The following STOX2 variants were observed in gnomAD, a reference collection of about 807,000 sequenced individuals.
The protein encoded by STOX2 is storkhead-box protein 2.
A neutral mutation model predicts 60.9 loss-of-function variants in STOX2; 28 were observed. The observed-to-expected ratio is 0.46, with a 90% CI of 0.34 to 0.63. The LOEUF (loss-of-function observed/expected upper bound fraction) is 0.63, where lower values mean the gene tolerates loss of function less well. Among genes scored for constraint, STOX2 ranks in the 30% least tolerant of loss-of-function variants. The pLI, the probability that STOX2 is intolerant of heterozygous loss-of-function variation, is 0.01. For missense variants in STOX2, 1,024 were observed against 1,187.7 expected (o/e 0.86, Z 2.03); for synonymous variants, 472 against 463.9 (o/e 1.02, Z -0.22).
chr4:183,826,327 C>T (rs1017903889), intron 1 of STOX2, among the ~76,000 whole-genome samples: 10 of 152,154 alleles, frequency 6.6e-5, no homozygotes, highest in Admixed American at 1.3e-4. Flanking sequence ...TGCCCCTCAC[C>T]GTCCTCATCA....
chr4:183,961,857 G>T (rs1399021589), intron 1 of STOX2, among the ~76,000 whole-genome samples: 4 of 152,252 alleles, frequency 2.6e-5, no homozygotes, highest in Non-Finnish European at 2.9e-5. Flanking sequence ...ATCTTGGGTT[G>T]TGACTTTTAC....
chr4:183,998,179 C>T (rs748081436), intron 1 of STOX2, among the ~76,000 whole-genome samples: 13 of 152,156 alleles, frequency 8.5e-5, no homozygotes, highest in African/African-American at 2.4e-4. Context: ...AATAGGCACA[C>T]GTTGGAAGGT....
chr4:184,021,707 C>T lies in STOX2; in HGVS notation c.*4423C>T, dbSNP rs1734598645. The T allele has an allele frequency of 6.6e-6, 1 of 152,246 alleles. No homozygotes were observed. Among genetic ancestry groups the T allele is most frequent in the Non-Finnish European group, 1.5e-5 (1 of 68,052 alleles). 9.4% of individuals were successfully genotyped at this position (152,246 alleles called of 1,614,324 possible). A position where few individuals can be genotyped will look rare whatever the true frequency, so the allele number is the denominator to read the frequency against. ...TAAAAACTTTATCAAGTACTCTTCA[C>T]AGTGCTGCTTGGCACCATAGAAAAT... On this transcript the variant is annotated 3_prime_UTR_variant, in exon 4 of 4. Transcript: ENST00000308497.
In STOX2 at chr4:183,818,673, C is replaced by T. The variant is rs369851602; in HGVS notation, c.364+20618C>T. ...CCCCTCACTTCCCAGAAGGGGCGGC[C>T]GGGCAGAGGCGCCCCCCACCTCCCG... On this transcript the variant is annotated intron_variant, in intron 1 of 2. Coordinates refer to the STOX2 transcript ENST00000513034. Among the ~76,000 whole-genome samples, 74 of 149,358 alleles carry T rather than the reference C, an allele frequency of 5.0e-4. 5 individuals carry two copies. In the South Asian group the frequency reaches 0.015, roughly 29 times the overall value.
At chr4:183,987,313 T>C (rs1036936084) in intron 1 of STOX2, among the ~76,000 whole-genome samples, 3 of 152,058 alleles carry the variant, frequency 2.0e-5, no homozygotes, top group Non-Finnish European at 4.4e-5. Context: ...AAAGACTACA[T>C]GTTTTCTCTG....
intron 1 of STOX2, among the ~76,000 whole-genome samples, chr4:183,816,649 T>A (rs569925573): frequency 2.6e-3 from 392 of 150,932 alleles, no homozygotes; most frequent in Non-Finnish European, 4.1e-3. Context: ...ATATAAAATT[T>A]AAAAAAAAAA....
At chr4:183,849,378 T>C (rs970286921) in intron 1 of STOX2, among the ~76,000 whole-genome samples, 2 of 152,132 alleles carry the variant, frequency 1.3e-5, no homozygotes, top group Non-Finnish European at 2.9e-5. Flanking sequence ...TCCTGAGCAT[T>C]GGAAATTAGC....
intron 3 of STOX2, 143 bp from the exon 4 acceptor site, chr4:184,016,946 A>G: frequency 1.6e-6 from 1 of 633,988 alleles, no homozygotes; most frequent in South Asian, 2.5e-5. Context: ...AGATGTGAAT[A>G]ATCAGTCGAG....
intron 1 of STOX2, among the ~76,000 whole-genome samples, chr4:183,852,620 G>A (rs1740182417): frequency 6.6e-6 from 1 of 152,148 alleles, no homozygotes; most frequent in Non-Finnish European, 1.5e-5. Context: ...TTAATTCTAG[G>A]TTGAACGATC....
chr4:183,861,933 G>A (rs1469796894), intron 1 of STOX2, among the ~76,000 whole-genome samples: 1 of 152,076 alleles, frequency 6.6e-6, no homozygotes, highest in South Asian at 2.1e-4. Context: ...AACATTACAG[G>A]ATCACAGGAG....
intron 1 of STOX2, among the ~76,000 whole-genome samples, chr4:183,941,796 G>A (rs1409031726): frequency 3.3e-5 from 5 of 152,184 alleles, no homozygotes; most frequent in Non-Finnish European, 7.3e-5. Context: ...GAAACACAGA[G>A]ATGACGTATA....
chr4:183,874,007 C>G (rs1740755340), intron 1 of STOX2, among the ~76,000 whole-genome samples: 1 of 152,192 alleles, frequency 6.6e-6, no homozygotes, highest in Non-Finnish European at 1.5e-5. Context: ...AGACCTCATC[C>G]TTTTCCCTAC....
chr4:183,802,734 T>C (rs1394073034), intron 1 of STOX2, among the ~76,000 whole-genome samples: 1 of 151,840 alleles, frequency 6.6e-6, no homozygotes, highest in Non-Finnish European at 1.5e-5. Context: ...GCCTCCCGAG[T>C]AGCTGGGACT....
intron 1 of STOX2, among the ~76,000 whole-genome samples, chr4:183,957,148 TATAATAATAATA>T (rs57935070): frequency 2.1e-4 from 30 of 142,762 alleles, no homozygotes; most frequent in East Asian, 6.1e-4. Flanking sequence ...AAACTTAAAG[TATAATAATAATA>T]ATAATAATAA....
At chr4:183,916,737 A>T (rs545464059) in intron 1 of STOX2, among the ~76,000 whole-genome samples, 1 of 152,238 alleles carries the variant, frequency 6.6e-6, no homozygotes. Flanking sequence ...GTATTGATAT[A>T]AAGAGTGACT....
intron 1 of STOX2, among the ~76,000 whole-genome samples, chr4:183,890,536 A>AGGAAGGAGGGAGGGAGGGAG (rs1741184404): frequency 8.2e-6 from 1 of 122,524 alleles, no homozygotes; most frequent in East Asian, 2.5e-4. Context: ...AAAGGAGGGA[A>AGGAAGGAGGGAGGGAGGGAG]GGAAGGAGAG....
intron 1 of STOX2, among the ~76,000 whole-genome samples, chr4:183,937,753 T>C (rs1362222416): frequency 6.6e-6 from 1 of 152,214 alleles, no homozygotes; most frequent in African/African-American, 2.4e-5. Context: ...ATTTCATCAA[T>C]AGATGATGTA....
chr4:183,921,734 G>A (rs1274571952), intron 1 of STOX2, among the ~76,000 whole-genome samples: 5 of 152,016 alleles, frequency 3.3e-5, no homozygotes, highest in African/African-American at 9.6e-5. Context: ...TATGAAATAC[G>A]GTATATATTT....
Position 184,009,136 on chromosome 4 carries a change from GTT to G in STOX2, c.320-5_320-4del, listed in dbSNP as rs34402224. 3,927 of 711,034 alleles carry G rather than the reference GTT, an allele frequency of 5.5e-3. 18 individuals carry two copies. The highest frequency in any genetic ancestry group is 0.029 in the African/African-American group (1,517 of 53,220). The allele number at this position is 711,034 out of a possible 1,614,324, so 44.0% of individuals were successfully genotyped here. On this transcript the variant is annotated intron_variant, in intron 2 of 3. Coordinates refer to ENST00000308497, the MANE Select transcript of STOX2 (RefSeq NM_020225.3). The surrounding 1 kb of genome is among the most constrained non-coding windows in gnomAD (Gnocchi z 4.0). Reference sequence around the variant, plus strand: ...TGTTCTGTCTTCATTCTCACAAGTGGTTTTTTTTTTTTTTTTTTCAGGTGTTC... The same window carrying G: ...TGTTCTGTCTTCATTCTCACAAGTGGTTTTTTTTTTTTTTTTCAGGTGTTC...
Sources: gnomAD v4.1 joint callset for allele counts (sites outside exome capture counted in the v4.1 genomes callset) on GRCh38, gnomAD v4.1.1 for gene constraint, Gnocchi (gnomAD v3.1) non-coding constraint, MANE v1.5 for transcripts, NCBI Gene and HGNC (gene_info 2026-07-23, HGNC 2026-07-21) for gene names.